SGCD: variants seen among roughly 807,000 people sequenced by gnomAD.
The protein encoded by SGCD is sarcoglycan delta.
Under a neutral mutation model 36.6 loss-of-function variants are expected in SGCD, and 18 were observed. The ratio of observed to expected loss-of-function variants is 0.49; its 90% confidence interval spans 0.34 to 0.73. The LOEUF (loss-of-function observed/expected upper bound fraction) is 0.73, where lower values mean the gene tolerates loss of function less well. SGCD is among the 30% of genes least tolerant of loss of function. The pLI is 0.01. For missense variants in SGCD, 387 were observed against 346.7 expected (o/e 1.12, Z -0.92); for synonymous variants, 133 against 130.6 (o/e 1.02, Z -0.12).
At chr5:155,902,645 C>A (rs1756415353) in intron 1 of SGCD, among the ~76,000 whole-genome samples, 1 of 152,124 alleles carries the variant, frequency 6.6e-6, no homozygotes, top group African/African-American at 2.4e-5. Flanking sequence ...TTGACCTTGG[C>A]ACCTTTATCT....
the SGCD span, among the ~76,000 whole-genome samples, chr5:155,835,002 A>ATTTTTTTTTTTTTTTTTTTTT: frequency 8.1e-4 from 49 of 60,178 alleles, 6 homozygotes; most frequent in East Asian, 4.6e-3. Context: ...TGCCCAGCTA[A>ATTTTTTTTTTTTTTTTTTTTT]TTTTTTTTTT....
chr5:156,378,604 A>G (rs1404115503), intron 3 of SGCD, among the ~76,000 whole-genome samples: 1 of 152,152 alleles, frequency 6.6e-6, no homozygotes, highest in Non-Finnish European at 1.5e-5. Context: ...AGCTCCCAGT[A>G]TGTTTACTTT....
the SGCD span, among the ~76,000 whole-genome samples, chr5:155,739,962 G>A: frequency 6.6e-6 from 1 of 152,130 alleles, no homozygotes; most frequent in Non-Finnish European, 1.5e-5. Context: ...AGACAATTCT[G>A]CCTCCCTGCC....
At chr5:155,915,936 A>G (rs1756725458) in intron 1 of SGCD, among the ~76,000 whole-genome samples, 1 of 152,180 alleles carries the variant, frequency 6.6e-6, no homozygotes, top group Non-Finnish European at 1.5e-5. Flanking sequence ...GGTGTGTGAA[A>G]GAGAGAGGGG....
chr5:156,182,059 C>A (rs1256801322), intron 3 of SGCD, among the ~76,000 whole-genome samples: 1 of 152,160 alleles, frequency 6.6e-6, no homozygotes, highest in Non-Finnish European at 1.5e-5. Context: ...GAGCACAGGG[C>A]TTTAGGTAAA....
In SGCD at chr5:156,766,289, C is replaced by G; in HGVS notation, c.*6899C>G. ...CGATCAAATAGAGGGAAGCTCATTT[C>G]TATCATTGTCTCTGTTTCCCTATAA... On this transcript the variant is annotated 3_prime_UTR_variant, in exon 9 of 9. Transcript: ENST00000337851. 1 of 152,002 alleles carries G rather than the reference C, an allele frequency of 6.6e-6. No individual in the cohort carries two copies. Among genetic ancestry groups the G allele is most frequent in the Non-Finnish European group, 1.5e-5 (1 of 68,018 alleles). The allele number at this position is 152,002 out of a possible 1,614,324, so 9.4% of individuals were successfully genotyped here. A position where few individuals can be genotyped will look rare whatever the true frequency, so the allele number is the denominator to read the frequency against.
chr5:156,736,488 A>G (rs1581499084), intron 7 of SGCD, among the ~76,000 whole-genome samples: 1 of 152,208 alleles, frequency 6.6e-6, no homozygotes, highest in South Asian at 2.1e-4. Flanking sequence ...AGAGATTTCC[A>G]TAAAAAACAC....
At chr5:155,768,813 A>C in the SGCD span, among the ~76,000 whole-genome samples, 6 of 152,254 alleles carry the variant, frequency 3.9e-5, no homozygotes, top group East Asian at 3.9e-4. Flanking sequence ...AGAGAGGCTT[A>C]TGCGGCTCAG....
chr5:156,653,493 C>CTTTTTTTTTCTTTTT (rs1763546750), intron 7 of SGCD, among the ~76,000 whole-genome samples: 1 of 48,082 alleles, frequency 2.1e-5, no homozygotes, highest in Non-Finnish European at 4.0e-5. Flanking sequence ...CTAAAGCTTG[C>CTTTTTTTTTCTTTTT]TTTTTTTTTT....
chr5:156,257,410 C>G (rs1765742220), intron 3 of SGCD, among the ~76,000 whole-genome samples: 1 of 151,812 alleles, frequency 6.6e-6, no homozygotes, highest in African/African-American at 2.4e-5. Flanking sequence ...GGAGGCGGAG[C>G]TTGCAGTGAG....
chr5:156,588,605 C>A (rs563371991), intron 4 of SGCD, among the ~76,000 whole-genome samples: 2 of 152,186 alleles, frequency 1.3e-5, no homozygotes, highest in Middle Eastern at 6.8e-3. Flanking sequence ...AGATAAAGGG[C>A]AGAGTAGATA....
chr5:156,430,401 A>G (rs1773884546), intron 3 of SGCD, among the ~76,000 whole-genome samples: 1 of 151,558 alleles, frequency 6.6e-6, no homozygotes, highest in Admixed American at 6.6e-5. Flanking sequence ...TTTTTTATTC[A>G]TATCCTGGAT....
chr5:156,489,839 A>G (rs1054379987), intron 3 of SGCD, among the ~76,000 whole-genome samples: 21 of 152,002 alleles, frequency 1.4e-4, no homozygotes, highest in Admixed American at 1.4e-3. Flanking sequence ...ACCAATCCCA[A>G]AATTAGTAGA....
At chr5:156,650,940 C>T (rs1268176151) in intron 7 of SGCD, among the ~76,000 whole-genome samples, 3 of 152,124 alleles carry the variant, frequency 2.0e-5, no homozygotes, top group East Asian at 1.9e-4. Context: ...TTCCCACCAG[C>T]GGTGTATAAG....
At chr5:156,083,450 A>G (rs1380644105) in intron 1 of SGCD, among the ~76,000 whole-genome samples, 1 of 151,716 alleles carries the variant, frequency 6.6e-6, no homozygotes, top group Non-Finnish European at 1.5e-5. Flanking sequence ...ATGCGCCACC[A>G]TGCCTGGCTA....
intron 7 of SGCD, among the ~76,000 whole-genome samples, chr5:156,649,723 A>T (rs936248081): frequency 1.5e-5 from 2 of 136,964 alleles, no homozygotes; most frequent in African/African-American, 5.5e-5. Flanking sequence ...GGGTGGGGGG[A>T]GAGGGGAGGG....
chr5:156,701,111 G>T (rs32085), intron 7 of SGCD, among the ~76,000 whole-genome samples: 126,032 of 152,024 alleles, frequency 0.83, 52,465 homozygotes, highest in Admixed American at 0.89. Flanking sequence ...CTGTAGCCCA[G>T]GACTTCTCCT....
chr5:156,621,613 A>G (rs1315860852), intron 6 of SGCD, among the ~76,000 whole-genome samples: 1 of 152,240 alleles, frequency 6.6e-6, no homozygotes, highest in Non-Finnish European at 1.5e-5. Flanking sequence ...AAGTAAGGGA[A>G]GCCTACCTGA....
intron 2 of SGCD, among the ~76,000 whole-genome samples, chr5:156,329,799 C>A (rs373045569): frequency 6.6e-6 from 1 of 151,964 alleles, no homozygotes; most frequent in African/African-American, 2.4e-5. Flanking sequence ...AGGTGGATCA[C>A]GAGGTCAGGA....
Sources: allele counts gnomAD v4.1 joint callset (sites outside exome capture counted in the v4.1 genomes callset), GRCh38; gene constraint gnomAD v4.1.1; transcripts MANE v1.5; gene names NCBI Gene and HGNC (gene_info 2026-07-23, HGNC 2026-07-21).